Variants in TCF7L2 observed in about 807,000 individuals in gnomAD.
TCF7L2 encodes the protein transcription factor 7 like 2.
TCF7L2 carries 23 observed loss-of-function variants against 77.9 expected under a neutral mutation model. That is an observed-to-expected ratio of 0.30 (90% CI 0.21 to 0.42). TCF7L2 has a LOEUF of 0.42. TCF7L2 is among the 10% of genes least tolerant of loss of function. The pLI, the probability that TCF7L2 is intolerant of heterozygous loss-of-function variation, is 1.00. For synonymous variants in TCF7L2, 413 were observed against 340.2 expected (o/e 1.21, Z -2.36); for missense variants, 654 against 793.1 (o/e 0.82, Z 2.11).
In TCF7L2 at chr10:113,151,252, G is replaced by A. The variant is rs2070690800; in HGVS notation, c.1001+129G>A. On this transcript the variant is annotated intron_variant, in intron 9 of 13. Coordinates refer to ENST00000627217, the MANE Select transcript of TCF7L2 (RefSeq NM_001146274.2). The surrounding 1 kb of genome is among the most constrained non-coding windows in gnomAD (Gnocchi z 5.2). The stretch of plus-strand genomic sequence containing the variant: ...TTTGACTGCAGCCAATACCCAGCCT[G>A]TGTGGGCTCTTCACTCCCTTACAAA... 3 of 1,246,592 alleles carry A rather than the reference G, an allele frequency of 2.4e-6. No homozygotes were observed. The highest frequency in any genetic ancestry group is 1.5e-5 in the African/African-American group (1 of 67,328). The allele number at this position is 1,246,592 out of a possible 1,614,324, so 77.2% of individuals were successfully genotyped here.
intron 4 of TCF7L2, among the ~76,000 whole-genome samples, chr10:112,988,346 G>A (rs61329995): frequency 0.032 from 4,882 of 152,186 alleles, 234 homozygotes; most frequent in African/African-American, 0.11. Context: ...TGATCCACCC[G>A]CCTTAGCCTC....
intron 5 of TCF7L2, among the ~76,000 whole-genome samples, chr10:113,055,320 G>A (rs139405613): frequency 6.6e-6 from 1 of 152,112 alleles, no homozygotes; most frequent in Non-Finnish European, 1.5e-5. Flanking sequence ...CAATTTGCTG[G>A]GTATGCAACG....
In TCF7L2 at chr10:113,166,123, T is replaced by C; in HGVS notation, c.*151T>C. 2 of 646,322 alleles carry C rather than the reference T, an allele frequency of 3.1e-6. No homozygotes were observed. The highest frequency in any genetic ancestry group is 4.5e-6 in the Non-Finnish European group (2 of 439,950). The allele number at this position is 646,322 out of a possible 1,614,324, so 40.0% of individuals were successfully genotyped here. On this transcript the variant is annotated 3_prime_UTR_variant, in exon 14 of 14. Transcript: ENST00000627217. ...AGTTGATGTTTATCGAGTTCATTGG[T>C]CAATATTTGACCCATTCTTATTTCA...
Position 113,091,232 on chromosome 10 carries a change from A to G in TCF7L2, c.553-49952A>G, listed in dbSNP as rs35007280. ...TCTCTTAATATTTGGATACATTTCC[A>G]CATTTCTAGTCATTCATATGCACAG... is the stretch of plus-strand genomic sequence containing the variant. On this transcript the variant is annotated intron_variant, in intron 5 of 13. Transcript: ENST00000627217. Among the ~76,000 whole-genome samples, 520 of 152,316 alleles carry G rather than the reference A, an allele frequency of 3.4e-3. 3 individuals are homozygous for G. The highest frequency in any genetic ancestry group is 7.8e-3 in the Admixed American group (120 of 15,292).
intron 4 of TCF7L2, among the ~76,000 whole-genome samples, chr10:112,982,138 A>G (rs1397408323): frequency 6.6e-6 from 1 of 152,194 alleles, no homozygotes; most frequent in African/African-American, 2.4e-5. Flanking sequence ...TTGGGAGGGA[A>G]TATTTTTCCT....
intron 5 of TCF7L2, among the ~76,000 whole-genome samples, chr10:113,089,056 T>A (rs1438220553): frequency 2.0e-5 from 3 of 152,034 alleles, no homozygotes; most frequent in Admixed American, 1.3e-4. Flanking sequence ...ATAGATTCAG[T>A]AAGGTAAGTT....
intron 5 of TCF7L2, among the ~76,000 whole-genome samples, chr10:113,063,268 A>G (rs920331406): frequency 6.6e-6 from 1 of 152,174 alleles, no homozygotes; most frequent in Non-Finnish European, 1.5e-5. Flanking sequence ...TTAGGGAGAC[A>G]TACTCTCTGA....
At chr10:112,972,710 C>G (rs1414489677) in intron 4 of TCF7L2, among the ~76,000 whole-genome samples, 1 of 152,108 alleles carries the variant, frequency 6.6e-6, no homozygotes, top group Non-Finnish European at 1.5e-5. Context: ...AGCTCAAGCT[C>G]TCCGCCTGCC....
At chr10:113,097,646 G>GAAAAAAAAAAA (rs869133669) in intron 5 of TCF7L2, among the ~76,000 whole-genome samples, 2 of 36,742 alleles carry the variant, frequency 5.4e-5, no homozygotes, top group African/African-American at 2.2e-4. Flanking sequence ...TCTTGTCTCG[G>GAAAAAAAAAAA]AAAAAAAAAA....
intron 5 of TCF7L2, among the ~76,000 whole-genome samples, chr10:113,062,311 T>C (rs1209289186): frequency 6.6e-6 from 1 of 152,174 alleles, no homozygotes; most frequent in African/African-American, 2.4e-5. Flanking sequence ...GCTTCCCTCC[T>C]CAACTAGAAG....
intron 5 of TCF7L2, among the ~76,000 whole-genome samples, chr10:113,060,058 G>A (rs1048145101): frequency 3.9e-5 from 6 of 152,190 alleles, no homozygotes; most frequent in Admixed American, 3.9e-4. Context: ...TGTGATTTCT[G>A]ATAACATTTA....
At chr10:113,147,306 C>T (rs978475342) in intron 8 of TCF7L2, among the ~76,000 whole-genome samples, 1 of 152,160 alleles carries the variant, frequency 6.6e-6, no homozygotes, top group Non-Finnish European at 1.5e-5. Flanking sequence ...AGAGAAGGGC[C>T]TGGAAAGACA....
At chr10:113,064,462 A>G (rs1016060430) in intron 5 of TCF7L2, among the ~76,000 whole-genome samples, 4 of 152,212 alleles carry the variant, frequency 2.6e-5, no homozygotes, top group Non-Finnish European at 5.9e-5. Context: ...TAAATTATAT[A>G]AGTATGCCTA....
chr10:113,040,156 C>G (rs2052178339), intron 5 of TCF7L2, 30 bp downstream of exon 5: 1 of 1,591,842 alleles, frequency 6.3e-7, no homozygotes, highest in African/African-American at 1.3e-5. Flanking sequence ...TGATGGCTTC[C>G]TTTATTGAGG....
intron 4 of TCF7L2, among the ~76,000 whole-genome samples, chr10:112,997,630 A>AC (rs2043719915): frequency 6.6e-6 from 1 of 152,184 alleles, no homozygotes; most frequent in African/African-American, 2.4e-5. Context: ...GTGACCAGGG[A>AC]CCTGAGGGGC....
rs764306555 is a variant in TCF7L2, at chr10:113,160,001, A to G, written c.1319-618A>G. ...TGGTGCGGCCCTTGCAGGTGTGTAT[A>G]GTTTTCCAGATTCGCTGTGCTGGTT... On this transcript the variant is annotated intron_variant, in intron 12 of 13. Coordinates refer to ENST00000627217, the MANE Select transcript of TCF7L2 (RefSeq NM_001146274.2). 8.7e-6 allele frequency: 14 copies of G among 1,613,594 alleles called. No individual in the cohort carries two copies. The highest frequency in any genetic ancestry group is 1.1e-5 in the Non-Finnish European group (13 of 1,179,730).
chr10:113,161,785 A>G (rs1364946148), intron 13 of TCF7L2, among the ~76,000 whole-genome samples: 1 of 152,070 alleles, frequency 6.6e-6, no homozygotes, highest in African/African-American at 2.4e-5. Context: ...TGCCAATACG[A>G]GAGATCGGTG....
At chr10:113,122,081 C>G (rs1237465080) in intron 5 of TCF7L2, among the ~76,000 whole-genome samples, 6 of 152,192 alleles carry the variant, frequency 3.9e-5, no homozygotes, top group African/African-American at 1.4e-4. Flanking sequence ...AATCAGCATA[C>G]AAAGAATCAA....
Position 112,950,801 on chromosome 10 carries a change from C to T in TCF7L2, c.45C>T (p.Asn15=), listed in dbSNP as rs76088094. Reference sequence around the variant, plus strand: ...GTGGAGGGGATGACCTAGGCGCCAACGACGAACTGATTTCCTTCAAAGACG... The same window carrying T: ...GTGGAGGGGATGACCTAGGCGCCAATGACGAACTGATTTCCTTCAAAGACG... Residue 15 remains asparagine, a synonymous_variant, in exon 1 of 14, where the codon AAC becomes AAT. Transcript: ENST00000627217. 3,161 of 1,593,186 alleles carry T rather than the reference C, an allele frequency of 2.0e-3. 54 individuals are homozygous for T. In the African/African-American group the frequency reaches 0.036, roughly 18 times the overall value.
Sources: allele counts gnomAD v4.1 joint callset (sites outside exome capture counted in the v4.1 genomes callset), GRCh38; gene constraint gnomAD v4.1.1; non-coding constraint Gnocchi (gnomAD v3.1); transcripts MANE v1.5; gene names NCBI Gene and HGNC (gene_info 2026-07-23, HGNC 2026-07-21).